LOXL2: variants seen among roughly 807,000 people sequenced by gnomAD.
The protein encoded by LOXL2 is lysyl oxidase homolog 2.
A neutral mutation model predicts 93.0 loss-of-function variants in LOXL2; 70 were observed. The observed-to-expected ratio is 0.75, with a 90% confidence interval of 0.62 to 0.92. The LOEUF is 0.92. LOXL2 is among the 40% of genes least tolerant of loss of function. The pLI is 0.00. For synonymous variants in LOXL2, 438 were observed against 413.2 expected (o/e 1.06, Z -0.73); for missense variants, 973 against 1,054.9 (o/e 0.92, Z 1.08).
chr8:23,328,887 T>G, intron 5 of LOXL2: 1 of 242,108 alleles, frequency 4.1e-6, no homozygotes, highest in Non-Finnish European at 8.0e-6. Context: ...ACCCCAACCT[T>G]TGCGTGGCAC....
intron 2 of LOXL2, 78 bp downstream of exon 2, chr8:23,367,919 T>C: frequency 3.3e-6 from 4 of 1,196,030 alleles, no homozygotes; most frequent in Non-Finnish European, 4.8e-6. Flanking sequence ...CAGCCTCCTC[T>C]CCCAGGCTGA....
At chr8:23,363,088 G>C (rs1025715543) in intron 2 of LOXL2, 1 of 152,170 alleles carries the variant, frequency 6.6e-6, no homozygotes, top group African/African-American at 2.4e-5. Flanking sequence ...TATGTGCCTG[G>C]TACGCTTTCA....
At chr8:23,347,244 C>G (rs1270110002) in intron 3 of LOXL2, among the ~76,000 whole-genome samples, 1 of 151,698 alleles carries the variant, frequency 6.6e-6, no homozygotes, top group African/African-American at 2.4e-5. Context: ...GTAATCCCAG[C>G]GACTCAGGAG....
chr8:23,338,827 C>T (rs1803836952), intron 4 of LOXL2, among the ~76,000 whole-genome samples: 1 of 152,196 alleles, frequency 6.6e-6, no homozygotes, highest in South Asian at 2.1e-4. Context: ...CTGGCCAGAG[C>T]TTCTGAGCTG....
chr8:23,371,785 A>T (rs898014022), intron 1 of LOXL2, among the ~76,000 whole-genome samples: 1 of 123,974 alleles, frequency 8.1e-6, no homozygotes, highest in Non-Finnish European at 1.7e-5. Flanking sequence ...AAAAAAAAAA[A>T]TGCATGGCAA....
intron 2 of LOXL2, 140 bp downstream of exon 2, chr8:23,367,857 G>A (rs1222399713): frequency 2.8e-6 from 2 of 709,872 alleles, no homozygotes; most frequent in Admixed American, 5.5e-5. Flanking sequence ...GGCACAGAAG[G>A]ATGCCAGTCC....
chr8:23,342,653 G>A (rs1310916545), intron 3 of LOXL2, among the ~76,000 whole-genome samples: 3 of 152,060 alleles, frequency 2.0e-5, no homozygotes, highest in East Asian at 1.9e-4. Flanking sequence ...GGATGGTCTC[G>A]ATTTCCTGAC....
At chr8:23,301,667 T>TGGAGACAAGAGCTCCATA (rs1803133369) in intron 12 of LOXL2, among the ~76,000 whole-genome samples, 1 of 152,250 alleles carries the variant, frequency 6.6e-6, no homozygotes, top group African/African-American at 2.4e-5. Context: ...ATGGGGATGG[T>TGGAGACAAGAGCTCCATA]GGAGACAAGA....
At chr8:23,357,301 C>T (rs1804216679) in intron 3 of LOXL2, among the ~76,000 whole-genome samples, 1 of 152,156 alleles carries the variant, frequency 6.6e-6, no homozygotes, top group South Asian at 2.1e-4. Flanking sequence ...AACTCCTGAC[C>T]TCAGGTGATC....
At chr8:23,346,347 C>T (rs1282337728) in intron 3 of LOXL2, among the ~76,000 whole-genome samples, 1 of 152,098 alleles carries the variant, frequency 6.6e-6, no homozygotes, top group African/African-American at 2.4e-5. Flanking sequence ...AGAAAGCTTC[C>T]CTCCAAGAAA....
At chr8:23,393,260 T>A (rs1223267262) in intron 1 of LOXL2, among the ~76,000 whole-genome samples, 1 of 152,224 alleles carries the variant, frequency 6.6e-6, no homozygotes, top group Admixed American at 6.5e-5. Context: ...GCCAAAACAA[T>A]TCTGAAAAGG....
chr8:23,384,039 G>A (rs1804721051), intron 1 of LOXL2, among the ~76,000 whole-genome samples: 1 of 152,156 alleles, frequency 6.6e-6, no homozygotes, highest in South Asian at 2.1e-4. Flanking sequence ...ATGAGTAGTT[G>A]GACCTGACCC....
intron 5 of LOXL2, among the ~76,000 whole-genome samples, chr8:23,329,815 C>T (rs902744458): frequency 6.6e-6 from 1 of 152,202 alleles, no homozygotes; most frequent in Non-Finnish European, 1.5e-5. Flanking sequence ...CCTTTTCAAG[C>T]ATTCATGTCC....
chr8:23,338,861 G>C (rs1460061919), intron 4 of LOXL2, among the ~76,000 whole-genome samples: 1 of 152,188 alleles, frequency 6.6e-6, no homozygotes, highest in Non-Finnish European at 1.5e-5. Flanking sequence ...GAGAAGAGGA[G>C]CTGCAGCAGG....
chr8:23,297,075 C>T lies in LOXL2; in HGVS notation c.*968G>A, dbSNP rs531319360. 6.6e-5 allele frequency: 10 copies of T among 152,310 alleles called. No individual in the cohort carries two copies. The South Asian group carries it at 8.3e-4, about 13-fold the overall frequency. The allele number at this position is 152,310 out of a possible 1,614,324, so 9.4% of individuals were successfully genotyped here. On this transcript the variant is annotated 3_prime_UTR_variant, in exon 14 of 14. Coordinates refer to ENST00000389131, the MANE Select transcript of LOXL2 (RefSeq NM_002318.3). ...AGGGGATCTGAGGACCCATGTCCACCGGAGAAAACCACGAATGTACCTGAA... is the reference window on the plus strand; with the variant it reads ...AGGGGATCTGAGGACCCATGTCCACTGGAGAAAACCACGAATGTACCTGAA...
intron 3 of LOXL2, among the ~76,000 whole-genome samples, chr8:23,357,906 C>T (rs1405904200): frequency 6.6e-6 from 1 of 152,180 alleles, no homozygotes; most frequent in Non-Finnish European, 1.5e-5. Flanking sequence ...ATTTCTGGCT[C>T]ACATTTCTGG....
intron 1 of LOXL2, among the ~76,000 whole-genome samples, chr8:23,401,783 G>A (rs1440420519): frequency 6.6e-6 from 1 of 152,228 alleles, no homozygotes; most frequent in Non-Finnish European, 1.5e-5. Context: ...GACTTGGGAA[G>A]AGGCCAGGAG....
intron 3 of LOXL2, among the ~76,000 whole-genome samples, chr8:23,350,313 A>G (rs11985967): frequency 0.49 from 73,996 of 151,686 alleles, 19,384 homozygotes; most frequent in African/African-American, 0.7. Context: ...GCACAGTGGC[A>G]CGCACCTGTA....
chr8:23,402,713 T>G (rs1017926002), intron 1 of LOXL2: 1 of 151,582 alleles, frequency 6.6e-6, no homozygotes, highest in African/African-American at 2.4e-5. Context: ...GTAAGAGGTA[T>G]GGGTTTCAGT....
Sources: allele counts gnomAD v4.1 joint callset (sites outside exome capture counted in the v4.1 genomes callset), GRCh38; gene constraint gnomAD v4.1.1; transcripts MANE v1.5; gene names NCBI Gene and HGNC (gene_info 2026-07-23, HGNC 2026-07-21).